The following CCDC171 variants were observed in gnomAD, a reference collection of about 807,000 sequenced individuals.
CCDC171 encodes the protein coiled-coil domain-containing protein 171.
Under a neutral mutation model 168.2 loss-of-function variants are expected in CCDC171, and 177 were observed. The observed-to-expected ratio is 1.05, with a 90% CI of 0.93 to 1.19. The LOEUF is 1.19. Among genes scored for constraint, CCDC171 ranks in the 50% most tolerant of loss-of-function variants. The probability of loss-of-function intolerance (pLI) is 0.00; values close to 1 mark genes in which losing one functional copy is unlikely to be tolerated. For synonymous variants in CCDC171, 687 were observed against 540.8 expected (o/e 1.27, Z -3.75); for missense variants, 1,991 against 1,539.0 (o/e 1.29, Z -4.91).
intron 24 of CCDC171, chr9:15,875,628 C>T (rs1283811741): frequency 6.6e-6 from 1 of 151,762 alleles, no homozygotes; most frequent in African/African-American, 2.4e-5. Context: ...TTAAAATAAT[C>T]TTTTTCATTT....
chr9:15,991,064 C>T (rs1832179045), intron 3 of CCDC171, among the ~76,000 whole-genome samples: 1 of 152,158 alleles, frequency 6.6e-6, no homozygotes, highest in African/African-American at 2.4e-5. Context: ...CTCAGTTCTG[C>T]ACCAAGCAGA....
chr9:15,700,930 A>G (rs2051681851), intron 11 of CCDC171, among the ~76,000 whole-genome samples: 1 of 151,442 alleles, frequency 6.6e-6, no homozygotes, highest in African/African-American at 2.4e-5. Context: ...GCTACTAGCC[A>G]TTCTAACTGT....
chr9:16,024,280 A>G (rs1833232913), intron 6 of CCDC171, among the ~76,000 whole-genome samples: 1 of 152,198 alleles, frequency 6.6e-6, no homozygotes, highest in Non-Finnish European at 1.5e-5. Context: ...TACAATAAAA[A>G]TAGGAAACTA....
the CCDC171 span, among the ~76,000 whole-genome samples, chr9:16,067,213 T>G: frequency 6.6e-6 from 1 of 152,098 alleles, no homozygotes; most frequent in South Asian, 2.1e-4. Context: ...TGATGGCCAG[T>G]GATGATGAGC....
At chr9:15,563,436 C>T (rs942417455) in intron 1 of CCDC171, among the ~76,000 whole-genome samples, 16 of 152,268 alleles carry the variant, frequency 1.1e-4, no homozygotes, top group African/African-American at 3.4e-4. Context: ...CCGCACCCGG[C>T]TCAAGTTACT....
At chr9:15,901,755 G>C (rs1018133408) in intron 24 of CCDC171, among the ~76,000 whole-genome samples, 1 of 152,110 alleles carries the variant, frequency 6.6e-6, no homozygotes, top group Non-Finnish European at 1.5e-5. Flanking sequence ...AAGGAAGAGT[G>C]GAAGGCTTTT....
intron 21 of CCDC171, among the ~76,000 whole-genome samples, chr9:15,840,963 CAG>C (rs1563848939): frequency 6.6e-6 from 1 of 151,934 alleles, no homozygotes; most frequent in African/African-American, 2.4e-5. Flanking sequence ...TGATCACTTT[CAG>C]TTAGTTTACT....
intron 22 of CCDC171, 152 bp from the exon 23 acceptor site, chr9:15,848,741 C>T (rs553439583): frequency 1.4e-4 from 60 of 431,786 alleles, no homozygotes; most frequent in African/African-American, 1.1e-3. Flanking sequence ...ATTAAAAAAT[C>T]AAAATTTAAA....
intron 25 of CCDC171, among the ~76,000 whole-genome samples, chr9:15,954,773 T>G (rs1241556454): frequency 6.6e-6 from 1 of 152,020 alleles, no homozygotes; most frequent in Non-Finnish European, 1.5e-5. Context: ...TGTTGTTGTT[T>G]GTTTCTTTCT....
chr9:15,950,370 G>C (rs1828990123), intron 25 of CCDC171, among the ~76,000 whole-genome samples: 1 of 152,178 alleles, frequency 6.6e-6, no homozygotes, highest in South Asian at 2.1e-4. Flanking sequence ...AGGGCAGCCA[G>C]AGAGAAAGGT....
chr9:15,992,039 A>T (rs1197205508), intron 3 of CCDC171, among the ~76,000 whole-genome samples: 1 of 152,256 alleles, frequency 6.6e-6, no homozygotes, highest in Non-Finnish European at 1.5e-5. Flanking sequence ...AAACTATTTC[A>T]ATCAGTAGAA....
Position 15,681,997 on chromosome 9 carries a change from A to G in CCDC171, c.1215+3101A>G, listed in dbSNP as rs143218657. On this transcript the variant is annotated intron_variant, in intron 10 of 25. Transcript: ENST00000380701. ...TGGATGGGAAGCATAAATTACTAAC[A>G]GGTAATTTTTCTTCCCTTTTGAGGT... is the stretch of plus-strand genomic sequence containing the variant. Among the ~76,000 whole-genome samples the G allele has an allele frequency of 4.9e-4, 74 of 152,192 alleles. No individual in the cohort carries two copies. In the East Asian group the frequency reaches 0.012, roughly 24 times the overall value.
At chr9:15,700,758 C>G (rs905832297) in intron 11 of CCDC171, among the ~76,000 whole-genome samples, 19 of 152,174 alleles carry the variant, frequency 1.2e-4, no homozygotes, top group East Asian at 3.9e-4. Flanking sequence ...GTAGCTGGGA[C>G]TGCAGGTGCA....
At chr9:15,764,002 G>C (rs1053201753) in intron 18 of CCDC171, among the ~76,000 whole-genome samples, 4 of 152,146 alleles carry the variant, frequency 2.6e-5, no homozygotes, top group African/African-American at 9.7e-5. Context: ...TATCTGAGGG[G>C]AAGCGGTGGT....
upstream of CCDC171, among the ~76,000 whole-genome samples, chr9:16,038,815 G>A (rs961305358): frequency 1.8e-5 from 2 of 110,216 alleles, no homozygotes; most frequent in Admixed American, 1.0e-4. Context: ...AAATATGAGG[G>A]CAAAGAAAAG....
intron 2 of CCDC171, among the ~76,000 whole-genome samples, chr9:15,566,872 C>T (rs1412640415): frequency 6.6e-6 from 1 of 152,164 alleles, no homozygotes; most frequent in African/African-American, 2.4e-5. Flanking sequence ...AAATTTGTCT[C>T]TTTGCATGTG....
At position 15,721,838 on chromosome 9, in the gene CCDC171, CAG is replaced by C. The variant is rs2053502162; in HGVS notation, c.1390_1391del (p.Asp464LeufsTer10). 4.5e-6 allele frequency: 7 copies of C among 1,558,390 alleles called. No homozygotes were observed. The highest frequency in any genetic ancestry group is 6.1e-6 in the Non-Finnish European group (7 of 1,150,558). ...CTTGAGAGATTGAGGCGTACCTTGA[CAG>C]ATTACCAGAACAAGCTGGAAGATGC... On this transcript the variant is annotated frameshift_variant, in exon 12 of 26. Transcript: ENST00000380701. LOFTEE classifies it high-confidence loss of function.
chr9:16,086,652 T>C, the CCDC171 span, among the ~76,000 whole-genome samples: 2 of 152,196 alleles, frequency 1.3e-5, no homozygotes, highest in Non-Finnish European at 2.9e-5. Flanking sequence ...GTTAATATTT[T>C]AAGAAAAAAC....
chr9:15,801,268 T>C (rs2058808424), intron 21 of CCDC171, among the ~76,000 whole-genome samples: 1 of 152,096 alleles, frequency 6.6e-6, no homozygotes, highest in Non-Finnish European at 1.5e-5. Flanking sequence ...TCCATTATTT[T>C]TGCACTCTTT....
Sources: gnomAD v4.1 joint callset for allele counts (sites outside exome capture counted in the v4.1 genomes callset) on GRCh38, gnomAD v4.1.1 for gene constraint, MANE v1.5 for transcripts, NCBI Gene and HGNC (gene_info 2026-07-23, HGNC 2026-07-21) for gene names.